The following TRAPPC9 variants were observed in gnomAD, a reference collection of about 807,000 sequenced individuals.
TRAPPC9 encodes trafficking protein particle complex subunit 9.
In TRAPPC9, 83 loss-of-function variants were observed where a neutral mutation model predicts 124.0. The observed-to-expected ratio is 0.67, with a 90% CI of 0.56 to 0.80. TRAPPC9 has a LOEUF of 0.80. TRAPPC9 is among the 30% of genes least tolerant of loss of function. The pLI is 0.00. For missense variants in TRAPPC9, 1,302 were observed against 1,508.3 expected, an observed-to-expected ratio of 0.86 and a Z score of 2.27; for synonymous variants, 638 against 617.5, an observed-to-expected ratio of 1.03 and a Z score of -0.49.
At chr8:140,157,426 GGGGAGGGAGGAGAA>G (rs2061673388) in intron 17 of TRAPPC9, among the ~76,000 whole-genome samples, 1 of 152,180 alleles carries the variant, frequency 6.6e-6, no homozygotes, top group Admixed American at 6.5e-5. Flanking sequence ...ACCAGGTGGA[GGGGAGGGAGGAGAA>G]GGGAGGGAGG....
At chr8:140,206,521 T>G (rs1003048375) in intron 17 of TRAPPC9, among the ~76,000 whole-genome samples, 1 of 152,094 alleles carries the variant, frequency 6.6e-6, no homozygotes, top group Admixed American at 6.6e-5. Context: ...ATATTCAAGT[T>G]TTGATTTACA....
intron 20 of TRAPPC9, among the ~76,000 whole-genome samples, chr8:139,898,858 G>A (rs1009608400): frequency 6.6e-6 from 1 of 152,120 alleles, no homozygotes; most frequent in African/African-American, 2.4e-5. Flanking sequence ...AGTGGCTCAT[G>A]CCTGTAATCC....
rs367979354 is a variant in TRAPPC9 at position 140,146,033 on chromosome 8, T to C, written c.2556+75426A>G. 9.8e-5 allele frequency among the ~76,000 whole-genome samples: 15 copies of C among 152,332 alleles called. No homozygotes were observed. In the East Asian group the frequency reaches 2.7e-3, roughly 27 times the overall value. ...TCACCTAAACTCAGTACTTATTACC[T>C]TACATGGGACAGTGTATATTAAAGG... On this transcript the variant is annotated intron_variant, in intron 17 of 22. Coordinates refer to ENST00000438773, the MANE Select transcript of TRAPPC9 (RefSeq NM_001160372.4).
intron 9 of TRAPPC9, among the ~76,000 whole-genome samples, chr8:140,320,110 T>A (rs1489169356): frequency 6.6e-6 from 1 of 152,214 alleles, no homozygotes; most frequent in Non-Finnish European, 1.5e-5. Flanking sequence ...TGTGATTTGA[T>A]CAAATATCTG....
chr8:139,954,810 G>A (rs1398501420), intron 19 of TRAPPC9, among the ~76,000 whole-genome samples: 1 of 152,146 alleles, frequency 6.6e-6, no homozygotes, highest in East Asian at 1.9e-4. Flanking sequence ...TTTGAATAAA[G>A]GCCAATGTTG....
chr8:140,456,020 G>T (rs909097779), intron 1 of TRAPPC9, among the ~76,000 whole-genome samples: 1 of 152,156 alleles, frequency 6.6e-6, no homozygotes, highest in Non-Finnish European at 1.5e-5. Flanking sequence ...TCGGAGGGGG[G>T]AATGAGGAGT....
chr8:140,451,175 C>T lies in TRAPPC9; in HGVS notation c.199G>A (p.Glu67Lys), dbSNP rs748601792. Residue 67 changes from glutamate to lysine, a missense_variant, in exon 2 of 23, where the codon GAG becomes AAG. Physicochemically the swap from Glu to Lys is moderately conservative, Grantham distance 56 (BLOSUM62 1). This residue lies in a region of TRAPPC9 where 657 missense variants were observed against 811.2 expected (regional missense o/e 0.81). Coordinates refer to ENST00000438773, the MANE Select transcript of TRAPPC9 (RefSeq NM_001160372.4). The stretch of plus-strand genomic sequence containing the variant: ...CGGTGGGTCTGGAAGTCACCCCACT[C>T]GTTGTTCTCGGGTGGGTAGTGGTGC... ...YRHHYPPENN[E>K]WGDFQTHRKV... is the part of the protein sequence containing the mutation. 22 of 1,614,060 alleles carry T rather than the reference C, an allele frequency of 1.4e-5. No individual in the cohort carries two copies. The highest frequency in any genetic ancestry group is 6.7e-5 in the East Asian group (3 of 44,868).
At chr8:139,771,508 A>G (rs974809852) in intron 21 of TRAPPC9, among the ~76,000 whole-genome samples, 3 of 152,136 alleles carry the variant, frequency 2.0e-5, no homozygotes, top group African/African-American at 7.2e-5. Flanking sequence ...CTTCTGAAAT[A>G]GGGGCCTTGG....
intron 21 of TRAPPC9, among the ~76,000 whole-genome samples, chr8:139,823,580 T>C (rs1180890981): frequency 6.6e-6 from 1 of 152,166 alleles, no homozygotes; most frequent in Non-Finnish European, 1.5e-5. Flanking sequence ...ATCCCTGGAC[T>C]TGGGCCTGTG....
rs1234207411 is a variant in TRAPPC9, at chr8:139,910,223, G to C, written c.2888C>G (p.Pro963Arg). 6.2e-7 allele frequency: 1 copy of C among 1,614,132 alleles called. No homozygotes were observed. Among genetic ancestry groups the C allele is most frequent in the Admixed American group, 1.7e-5 (1 of 60,014 alleles). Residue 963 changes from proline to arginine, a missense_variant, in exon 20 of 23, where the codon CCC (proline) becomes CGC (arginine). Around this residue, in one of 3 missense-constraint regions of TRAPPC9, gnomAD observed 640 missense variants for 679.3 expected, o/e 0.94. Coordinates refer to ENST00000438773, the MANE Select transcript of TRAPPC9 (RefSeq NM_001160372.4). ...SPGEKGQFAN[P>R]KQLEEERREA... ...CCGCCGCTCTTCCTCCAGCTGCTTG[G>C]GGTTTGCAAATTGCCCCTTCTCCCC... is the stretch of plus-strand genomic sequence containing the variant.
chr8:140,371,110 C>T lies in TRAPPC9; in HGVS notation c.1205G>A (p.Arg402His). 2.5e-6 allele frequency: 4 copies of T among 1,614,126 alleles called. No individual in the cohort carries two copies. The highest frequency in any genetic ancestry group is 3.4e-6 in the Non-Finnish European group (4 of 1,180,012). The change falls in exon 8 of 23, where the codon CGC (arginine) becomes CAC (histidine). Residue 402 changes from arginine (R) to histidine (H), a missense_variant. By Grantham distance (29) the Arg-to-His change is conservative. Transcript: ENST00000438773. ...CACGCGCTTGAAGAACGCAGACTTGCGATGGAAGCCGATCAGCTCATAGAG... is the reference window on the plus strand; with the variant it reads ...CACGCGCTTGAAGAACGCAGACTTGTGATGGAAGCCGATCAGCTCATAGAG... ...SELYELIGFH[R>H]KSAFFKRVAA... is the part of the protein sequence containing the mutation.
At chr8:140,265,631 T>A (rs1187987818) in intron 15 of TRAPPC9, among the ~76,000 whole-genome samples, 1 of 152,196 alleles carries the variant, frequency 6.6e-6, no homozygotes, top group Non-Finnish European at 1.5e-5. Context: ...AAGAGAGCCA[T>A]CGATTAACAG....
chr8:140,306,492 CAA>C (rs11447991), intron 10 of TRAPPC9, among the ~76,000 whole-genome samples: 13 of 115,436 alleles, frequency 1.1e-4, no homozygotes, highest in East Asian at 2.5e-4. Context: ...GACTCTGTCT[CAA>C]AAAAAAAAAA....
At chr8:140,203,540 T>C (rs975337844) in intron 17 of TRAPPC9, among the ~76,000 whole-genome samples, 1 of 152,234 alleles carries the variant, frequency 6.6e-6, no homozygotes, top group Admixed American at 6.5e-5. Context: ...GGGCTTGTCA[T>C]TCATAATGCA....
chr8:140,395,088 C>A (rs1000282946), intron 7 of TRAPPC9, among the ~76,000 whole-genome samples: 2 of 152,240 alleles, frequency 1.3e-5, no homozygotes, highest in African/African-American at 4.8e-5. Context: ...CAGGTTCCCG[C>A]TTCTGACCAT....
chr8:140,456,068 G>A (rs1195415013), intron 1 of TRAPPC9, among the ~76,000 whole-genome samples: 2 of 152,106 alleles, frequency 1.3e-5, no homozygotes, highest in Admixed American at 1.3e-4. Context: ...CTGGGGTGAT[G>A]AAAATGTTCT....
intron 16 of TRAPPC9, among the ~76,000 whole-genome samples, chr8:140,244,166 C>T (rs184560199): frequency 6.6e-5 from 10 of 152,292 alleles, no homozygotes; most frequent in African/African-American, 1.9e-4. Flanking sequence ...GGTTGGGGAC[C>T]GCTGCCCAAA....
intron 14 of TRAPPC9, among the ~76,000 whole-genome samples, chr8:140,279,607 G>A (rs929322504): frequency 1.3e-5 from 2 of 152,088 alleles, no homozygotes; most frequent in Non-Finnish European, 2.9e-5. Context: ...CCTCCCCAGG[G>A]CCCAGGCTCG....
intron 21 of TRAPPC9, among the ~76,000 whole-genome samples, chr8:139,842,256 G>C (rs1171507249): frequency 6.6e-6 from 1 of 152,152 alleles, no homozygotes; most frequent in East Asian, 1.9e-4. Flanking sequence ...TGCTGGCCTT[G>C]GGGATTTTTC....
Sources: gnomAD v4.1 joint callset for allele counts (sites outside exome capture counted in the v4.1 genomes callset) on GRCh38, gnomAD v4.1.1 for gene constraint, gnomAD v4.1.1 regional missense constraint, MANE v1.5 for transcripts, NCBI Gene and HGNC (gene_info 2026-07-23, HGNC 2026-07-21) for gene names.